The following PPP2R5E variants were observed in gnomAD, a reference collection of about 807,000 sequenced individuals.
PPP2R5E encodes the protein serine/threonine-protein phosphatase 2A 56 kDa regulatory subunit epsilon isoform.
In PPP2R5E, 4 loss-of-function variants were observed where a neutral mutation model predicts 65.3. The ratio of observed to expected loss-of-function variants is 0.06; its 90% CI spans 0.03 to 0.14. The LOEUF (loss-of-function observed/expected upper bound fraction) is 0.14, where lower values mean the gene tolerates loss of function less well. Among genes scored for constraint, PPP2R5E ranks in the 10% least tolerant of loss-of-function variants. PPP2R5E has a pLI of 1.00. For synonymous variants in PPP2R5E, 183 were observed against 187.4 expected (o/e 0.98, Z 0.19); for missense variants, 274 against 556.1 (o/e 0.49, Z 5.10).
At chr14:63,388,031 G>A (rs866869812) in intron 11 of PPP2R5E, among the ~76,000 whole-genome samples, 1 of 152,048 alleles carries the variant, frequency 6.6e-6, no homozygotes. Flanking sequence ...CGCCAGTCTT[G>A]TTATGGCAGC....
intron 6 of PPP2R5E, 147 bp from the exon 7 acceptor site, chr14:63,395,432 G>A (rs61995000): frequency 0.032 from 2,586 of 80,804 alleles, 141 homozygotes; most frequent in East Asian, 0.098. Context: ...GGAGAGGGAG[G>A]ACAAGGGGGA....
intron 13 of PPP2R5E, among the ~76,000 whole-genome samples, chr14:63,379,435 C>A (rs778886514): frequency 6.6e-6 from 1 of 152,190 alleles, no homozygotes; most frequent in Non-Finnish European, 1.5e-5. Context: ...CCACGCCCGG[C>A]TAATTTTGTA....
At chr14:63,527,061 C>T (rs954556117) in intron 2 of PPP2R5E, among the ~76,000 whole-genome samples, 9 of 152,168 alleles carry the variant, frequency 5.9e-5, no homozygotes, top group East Asian at 3.9e-4. Flanking sequence ...CCCAGCTACT[C>T]GGGAGGCTGA....
intron 2 of PPP2R5E, among the ~76,000 whole-genome samples, chr14:63,515,805 C>T (rs1310703311): frequency 1.3e-5 from 2 of 151,588 alleles, no homozygotes; most frequent in Non-Finnish European, 2.9e-5. Flanking sequence ...AGGTGTGAGC[C>T]ACTGTACCCA....
chr14:63,422,522 C>T (rs535394953), intron 3 of PPP2R5E, among the ~76,000 whole-genome samples: 1 of 152,090 alleles, frequency 6.6e-6, no homozygotes, highest in African/African-American at 2.4e-5. Context: ...GTCAGGAGAT[C>T]GAGACCATCC....
intron 4 of PPP2R5E, among the ~76,000 whole-genome samples, chr14:63,419,813 C>T (rs780377713): frequency 3.9e-5 from 6 of 152,146 alleles, no homozygotes; most frequent in Non-Finnish European, 2.9e-5. Flanking sequence ...CACATGAAAC[C>T]AGCCCATATT....
chr14:63,412,235 T>C (rs145836030), intron 5 of PPP2R5E, among the ~76,000 whole-genome samples: 1 of 152,342 alleles, frequency 6.6e-6, no homozygotes, highest in African/African-American at 2.4e-5. Context: ...GATGGATCAC[T>C]TGAGCCCAAT....
intron 3 of PPP2R5E, among the ~76,000 whole-genome samples, chr14:63,430,272 G>T (rs1334080763): frequency 6.6e-6 from 1 of 152,054 alleles, no homozygotes; most frequent in Non-Finnish European, 1.5e-5. Flanking sequence ...CCAGCACTTT[G>T]GGAGGCCGAG....
intron 3 of PPP2R5E, among the ~76,000 whole-genome samples, chr14:63,433,031 TG>T (rs1299669712): frequency 3.6e-5 from 5 of 138,724 alleles, no homozygotes; most frequent in Admixed American, 7.0e-5. Context: ...TGTTTTGTTT[TG>T]TTTTTTTTTT....
At chr14:63,396,844 CA>C in intron 5 of PPP2R5E, 128 bp from the exon 6 acceptor site, 1 of 1,110,554 alleles carries the variant, frequency 9.0e-7, no homozygotes, top group Non-Finnish European at 1.3e-6. Context: ...GTGCCAAGCA[CA>C]GTGCTAGTCT....
chr14:63,408,369 A>T (rs1014341867), intron 5 of PPP2R5E, among the ~76,000 whole-genome samples: 3 of 152,086 alleles, frequency 2.0e-5, no homozygotes, highest in Non-Finnish European at 4.4e-5. Context: ...TGCCAATTTA[A>T]CGTATATGTG....
chr14:63,498,761 T>C (rs1891708481), intron 2 of PPP2R5E, among the ~76,000 whole-genome samples: 1 of 152,044 alleles, frequency 6.6e-6, no homozygotes, highest in African/African-American at 2.4e-5. Flanking sequence ...CCTATATACA[T>C]CTGAAAACAC....
chr14:63,402,121 T>A (rs1885790038), intron 5 of PPP2R5E, among the ~76,000 whole-genome samples: 1 of 152,228 alleles, frequency 6.6e-6, no homozygotes, highest in African/African-American at 2.4e-5. Flanking sequence ...AAACTCTGCA[T>A]ACCTAAAAGT....
intron 2 of PPP2R5E, among the ~76,000 whole-genome samples, chr14:63,481,723 T>G (rs1465845172): frequency 6.6e-6 from 1 of 152,222 alleles, no homozygotes; most frequent in African/African-American, 2.4e-5. Flanking sequence ...TGACAAATTC[T>G]GTTTACTTCT....
chr14:63,481,455 C>T (rs1890694816), intron 2 of PPP2R5E, among the ~76,000 whole-genome samples: 1 of 146,640 alleles, frequency 6.8e-6, no homozygotes. Flanking sequence ...GAGATCGCAC[C>T]ACTGCACTCC....
At chr14:63,519,121 G>A (rs1892778947) in intron 2 of PPP2R5E, among the ~76,000 whole-genome samples, 1 of 152,102 alleles carries the variant, frequency 6.6e-6, no homozygotes, top group African/African-American at 2.4e-5. Context: ...GGGTGGGGCA[G>A]GAGAATCGCT....
intron 3 of PPP2R5E, among the ~76,000 whole-genome samples, chr14:63,449,901 A>T (rs1888716896): frequency 1.5e-5 from 2 of 129,572 alleles, no homozygotes; most frequent in Non-Finnish European, 1.6e-5. Context: ...TTTGAGATGA[A>T]GTCTTGTTCT....
At chr14:63,474,762 T>C (rs1457317029) in intron 2 of PPP2R5E, among the ~76,000 whole-genome samples, 3 of 149,480 alleles carry the variant, frequency 2.0e-5, no homozygotes, top group Non-Finnish European at 1.5e-5. Context: ...AAAAGAAATG[T>C]GGACACCAAC....
chr14:63,539,627 T>C lies in PPP2R5E; in HGVS notation c.59A>G (p.Lys20Arg). 6.2e-7 allele frequency: 1 copy of C among 1,614,126 alleles called. No individual in the cohort carries two copies. The highest frequency in any genetic ancestry group is 8.5e-7 in the Non-Finnish European group (1 of 1,179,966). Residue 20 changes from lysine to arginine, a missense_variant, in exon 2 of 14, where the codon AAG becomes AGG. Lys to Arg is a conservative substitution (Grantham distance 26). Transcript: ENST00000337537. ...CTTCTGTCTGGCTTTTCTGACGGACTTCCGAGAAAATCCGTCTACTTTATC... is the reference window on the plus strand; with the variant it reads ...CTTCTGTCTGGCTTTTCTGACGGACCTCCGAGAAAATCCGTCTACTTTATC... ...SVDKVDGFSR[K>R]SVRKARQKRS...
Sources: allele counts gnomAD v4.1 joint callset (sites outside exome capture counted in the v4.1 genomes callset), GRCh38; gene constraint gnomAD v4.1.1; transcripts MANE v1.5; gene names NCBI Gene and HGNC (gene_info 2026-07-23, HGNC 2026-07-21).